Variants in USP36 observed in about 807,000 individuals in gnomAD.
The protein encoded by USP36 is ubiquitin specific peptidase 36.
A neutral mutation model predicts 111.5 loss-of-function variants in USP36; 59 were observed. That is an observed-to-expected ratio of 0.53 (90% confidence interval 0.43 to 0.66). The LOEUF (loss-of-function observed/expected upper bound fraction) is 0.66, where lower values mean the gene tolerates loss of function less well. Among genes scored for constraint, USP36 ranks in the 30% least tolerant of loss-of-function variants. USP36 has a pLI of 0.00. For synonymous variants in USP36, 628 were observed against 581.0 expected, an observed-to-expected ratio of 1.08 and a Z score of -1.16; for missense variants, 1,488 against 1,468.0, an observed-to-expected ratio of 1.01 and a Z score of -0.22.
chr17:78,805,334 C>A (rs928777594), intron 15 of USP36, among the ~76,000 whole-genome samples: 1 of 152,212 alleles, frequency 6.6e-6, no homozygotes, highest in Non-Finnish European at 1.5e-5. Flanking sequence ...CTCCCACGTA[C>A]ACAAATCTTA....
intron 3 of USP36, among the ~76,000 whole-genome samples, chr17:78,788,135 T>C (rs553292695): frequency 6.6e-6 from 1 of 152,366 alleles, no homozygotes; most frequent in East Asian, 1.9e-4. Flanking sequence ...GCAAGTTGTG[T>C]TTAAAATTGC....
intron 17 of USP36, among the ~76,000 whole-genome samples, chr17:78,801,372 C>T (rs1037644839): frequency 3.1e-4 from 47 of 152,308 alleles, no homozygotes; most frequent in African/African-American, 8.2e-4. Context: ...TCATTTTTAA[C>T]GATAAATTCC....
At chr17:78,827,897 C>T (rs1271207618) in intron 5 of USP36, among the ~76,000 whole-genome samples, 6 of 152,174 alleles carry the variant, frequency 3.9e-5, no homozygotes, top group Middle Eastern at 3.4e-3. Context: ...GGCAATAGAG[C>T]AAGACTCTAT....
At chr17:78,806,895 C>T in intron 14 of USP36, 64 bp downstream of exon 14, 1 of 1,573,880 alleles carries the variant, frequency 6.4e-7, no homozygotes, top group Non-Finnish European at 8.6e-7. Context: ...CCCTTCAAAC[C>T]ACAACCAAGC....
Position 78,798,397 on chromosome 17 carries a change from G to C in USP36, c.*20+3C>G, listed in dbSNP as rs574731236. ...CCCTTACACCCACCCCCTCGGAACC[G>C]ACCTCCTTCCACAGGGGCACAGTCA... On this transcript the variant is annotated splice_donor_region_variant and intron_variant, in intron 20 of 20. Transcript: ENST00000449938. This position sits in a 1 kb window ranked among gnomAD's most constrained non-coding sequence, Gnocchi z 5.1. 1 of 1,612,992 alleles carries C rather than the reference G, an allele frequency of 6.2e-7. No individual in the cohort carries two copies. Among genetic ancestry groups the C allele is most frequent in the South Asian group, 1.1e-5 (1 of 91,034 alleles).
In USP36 at chr17:78,807,581, G is replaced by T. The variant is rs147163143; in HGVS notation, c.1463C>A (p.Pro488His). ...CAGGGTGGAGCCATTCCTGGATATGGGCACACCAATCTCTTCAGTGGTGTG... is the reference window on the plus strand; with the variant it reads ...CAGGGTGGAGCCATTCCTGGATATGTGCACACCAATCTCTTCAGTGGTGTG... The part of the protein sequence containing the change: ...KPHTTEEIGV[P>H]ISRNGSTLGL... Residue 488 changes from proline (P) to histidine (H), a missense_variant, in exon 14 of 21, where the codon CCC becomes CAC. Transcript: ENST00000449938. 9.5e-5 allele frequency: 152 copies of T among 1,596,868 alleles called. 1 individual carries two copies. In the African/African-American group the frequency reaches 1.8e-3, roughly 19 times the overall value.
intron 4 of USP36, among the ~76,000 whole-genome samples, chr17:78,835,018 T>TATATATATATATATATA (rs1567972747): frequency 2.7e-5 from 4 of 149,122 alleles, no homozygotes; most frequent in African/African-American, 9.9e-5. Flanking sequence ...TATATATATA[T>TATATATATATATATATA]TTTGGAAGTA....
chr17:78,804,490 A>G lies in USP36; in HGVS notation c.2217-512T>C, dbSNP rs1406169076. ...AAAAAAAAACCAAAAAAACAAAAAC[A>G]AAAACAAAAAAAAAAAAACAAAGTT... On this transcript the variant is annotated intron_variant, in intron 15 of 20. Transcript: ENST00000449938. 3.5e-4 allele frequency among the ~76,000 whole-genome samples: 18 copies of G among 51,966 alleles called. No individual in the cohort carries two copies. In the Admixed American group the frequency reaches 4.1e-3, roughly 12 times the overall value. 34.1% of individuals were successfully genotyped at this position (51,966 alleles called of 152,430 possible).
chr17:78,821,389 T>TATATATATATATATATATATATAC (rs2094316858), intron 7 of USP36: 1 of 28,514 alleles, frequency 3.5e-5, no homozygotes, highest in African/African-American at 1.5e-4. Context: ...CTAATGAGAA[T>TATATATATATATATATATATATAC]ATATATATAT....
intron 12 of USP36, 145 bp from the exon 13 acceptor site, chr17:78,813,146 T>C (rs2094108262): frequency 1.9e-6 from 2 of 1,078,304 alleles, no homozygotes; most frequent in East Asian, 5.0e-5. Flanking sequence ...GGAATCTCCC[T>C]TTGCCTTTCA....
intron 3 of USP36, 190 bp downstream of exon 3, chr17:78,835,921 G>A: frequency 1.2e-6 from 1 of 808,832 alleles, no homozygotes; most frequent in Non-Finnish European, 1.9e-6. Flanking sequence ...GATCCACCAA[G>A]CACACAGATT....
rs1247621659 is a variant in USP36 at position 78,828,312 on chromosome 17, C to CA, written c.586+584dup. 3.3e-5 allele frequency among the ~76,000 whole-genome samples: 5 copies of CA among 152,306 alleles called. No individual in the cohort carries two copies. In the South Asian group the frequency reaches 6.2e-4, roughly 19 times the overall value. ...ACAGTGCTACAATTTACACAGATTT[C>CA]AAAAACCGGTAATAGGCCTCTTCTT... On this transcript the variant is annotated intron_variant, in intron 5 of 20. Transcript: ENST00000449938.
chr17:78,800,768 A>G (rs9675033), intron 17 of USP36, among the ~76,000 whole-genome samples: 9,272 of 152,200 alleles, frequency 0.061, 537 homozygotes, highest in South Asian at 0.15. Context: ...CTCCTTGCTG[A>G]GCATGAGCCC....
chr17:78,794,777 G>C (rs1029851941), downstream of USP36, among the ~76,000 whole-genome samples: 1 of 152,140 alleles, frequency 6.6e-6, no homozygotes, highest in African/African-American at 2.4e-5. Context: ...GGAGGCTGAG[G>C]CAAGCGGATC....
intron 4 of USP36, among the ~76,000 whole-genome samples, chr17:78,834,071 AC>A (rs1477260774): frequency 6.6e-6 from 1 of 151,976 alleles, no homozygotes; most frequent in Non-Finnish European, 1.5e-5. Context: ...ACATGGTAAA[AC>A]CCCATCTCTA....
chr17:78,836,359 G>A lies in USP36; in HGVS notation c.5C>T (p.Pro2Leu), dbSNP rs2068666055. 5 of 1,613,930 alleles carry A rather than the reference G, an allele frequency of 3.1e-6. No homozygotes were observed. The East Asian group carries it at 1.1e-4, about 36-fold the overall frequency. ...GGCCTCCTTCAACTTATCCACTATT[G>A]GCATGGTGCATCACTGTGGGGACAA... M[P>L]IVDKLKEALK... Residue 2 changes from proline (P) to leucine (L), a missense_variant, in exon 3 of 21, where the codon CCA becomes CTA. Physicochemically the swap from Pro to Leu is moderately conservative, Grantham distance 98. Coordinates refer to ENST00000449938, the MANE Select transcript of USP36 (RefSeq NM_001385174.1).
chr17:78,801,885 G>A (rs951315317), intron 17 of USP36, among the ~76,000 whole-genome samples: 2 of 152,172 alleles, frequency 1.3e-5, no homozygotes, highest in Non-Finnish European at 2.9e-5. Context: ...TCTCTCATGG[G>A]GCTGTTTCAG....
Position 78,804,495 on chromosome 17 carries a change from CAAA to C in USP36, c.2217-520_2217-518del, listed in dbSNP as rs10590690. 1.5e-4 allele frequency among the ~76,000 whole-genome samples: 21 copies of C among 136,294 alleles called. No individual in the cohort carries two copies. In the East Asian group the frequency reaches 2.1e-3, roughly 14 times the overall value. 89.4% of individuals were successfully genotyped at this position (136,294 alleles called of 152,430 possible). A position where few individuals can be genotyped will look rare whatever the true frequency, so the allele number is the denominator to read the frequency against. On this transcript the variant is annotated intron_variant, in intron 15 of 20. Transcript: ENST00000449938. ...AAAACCAAAAAAACAAAAACAAAAA[CAAA>C]AAAAAAAAAACAAAGTTACCTAGGT...
At chr17:78,818,855 A>T in intron 9 of USP36, 77 bp from the exon 10 acceptor site, 1 of 1,459,612 alleles carries the variant, frequency 6.9e-7, no homozygotes, top group South Asian at 1.2e-5. Context: ...CGCTAAGTTA[A>T]TAACAGCAAC....
Sources: gnomAD v4.1 joint callset for allele counts (sites outside exome capture counted in the v4.1 genomes callset) on GRCh38, gnomAD v4.1.1 for gene constraint, Gnocchi (gnomAD v3.1) non-coding constraint, MANE v1.5 for transcripts, NCBI Gene and HGNC (gene_info 2026-07-23, HGNC 2026-07-21) for gene names.